The following TBC1D13 variants were observed in gnomAD, a reference collection of about 807,000 sequenced individuals.
The protein encoded by TBC1D13 is TBC1 domain family member 13.
A neutral mutation model predicts 53.6 loss-of-function variants in TBC1D13; 40 were observed. The ratio of observed to expected loss-of-function variants is 0.75; its 90% CI spans 0.58 to 0.97. The LOEUF (loss-of-function observed/expected upper bound fraction) is 0.97, where lower values mean the gene tolerates loss of function less well. Ranked by LOEUF, TBC1D13 falls within the 50% of genes least tolerant of loss-of-function variation. TBC1D13 has a pLI of 0.00. For missense variants in TBC1D13, 377 were observed against 499.4 expected (o/e 0.75, Z 2.34); for synonymous variants, 182 against 197.7 (o/e 0.92, Z 0.67).
At chr9:128,804,210 T>C in intron 9 of TBC1D13, 91 bp downstream of exon 9, 1 of 1,470,986 alleles carries the variant, frequency 6.8e-7, no homozygotes, top group East Asian at 2.3e-5. Flanking sequence ...CGCTTGAGTC[T>C]GGGGGTCAGA....
intron 7 of TBC1D13, among the ~76,000 whole-genome samples, chr9:128,802,652 A>G (rs929922220): frequency 9.9e-5 from 15 of 151,630 alleles, no homozygotes; most frequent in Middle Eastern, 3.4e-3. Flanking sequence ...GTGCCAGTGT[A>G]TGTCCCATAT....
At position 128,791,709 on chromosome 9, in the gene TBC1D13, C is replaced by T. The variant is rs1829536616; in HGVS notation, c.300+16C>T. ...TGAGGACCATGTGAGTAGAGGTTGACAGCGGAGACCCAGGATACAGAATGT... is the reference window on the plus strand; with the variant it reads ...TGAGGACCATGTGAGTAGAGGTTGATAGCGGAGACCCAGGATACAGAATGT... On this transcript the variant is annotated intron_variant, in intron 5 of 11. Transcript: ENST00000372648. 6.2e-7 allele frequency: 1 copy of T among 1,609,726 alleles called. No homozygotes were observed.
chr9:128,793,612 T>C (rs1231516016), intron 6 of TBC1D13, among the ~76,000 whole-genome samples: 3 of 152,156 alleles, frequency 2.0e-5, no homozygotes, highest in Non-Finnish European at 4.4e-5. Flanking sequence ...ACGGGCTGGG[T>C]CTCCACAGAT....
At chr9:128,788,452 T>C in intron 2 of TBC1D13, 45 bp downstream of exon 2, 1 of 1,578,418 alleles carries the variant, frequency 6.3e-7, no homozygotes, top group South Asian at 1.1e-5. Context: ...ACAGCAGCCC[T>C]GTGGCTAGAA....
At chr9:128,788,130 G>C (rs1475558099) in intron 1 of TBC1D13, among the ~76,000 whole-genome samples, 2 of 152,202 alleles carry the variant, frequency 1.3e-5, no homozygotes, top group Non-Finnish European at 2.9e-5. Context: ...CTGTGTTTCT[G>C]GTTGTAGAGG....
intron 11 of TBC1D13, among the ~76,000 whole-genome samples, chr9:128,807,380 C>A (rs979616861): frequency 6.6e-6 from 1 of 152,286 alleles, no homozygotes; most frequent in Middle Eastern, 3.4e-3. Flanking sequence ...AGCCACCAAG[C>A]CCAGCCTAGA....
rs759388208 is a variant in TBC1D13, at chr9:128,807,809, C to T, written c.1138-5C>T. The T allele has an allele frequency of 4.3e-6, 7 of 1,613,936 alleles. No individual in the cohort carries two copies. In the East Asian group the frequency reaches 1.3e-4, roughly 31 times the overall value. ...AGGCAACTGTTGGCCTTTTCCTGTGCCCAGGACTACCCCATCACAGATGTC... is the reference window on the plus strand; with the variant it reads ...AGGCAACTGTTGGCCTTTTCCTGTGTCCAGGACTACCCCATCACAGATGTC... On this transcript the variant is annotated splice_polypyrimidine_tract_variant and splice_region_variant and intron_variant, in intron 11 of 11. Coordinates refer to ENST00000372648, the MANE Select transcript of TBC1D13 (RefSeq NM_018201.5).
At chr9:128,792,611 G>T (rs1452165152) in intron 6 of TBC1D13, 37 bp downstream of exon 6, 1 of 1,575,478 alleles carries the variant, frequency 6.3e-7, no homozygotes, top group African/African-American at 1.4e-5. Flanking sequence ...CTGGCCCATG[G>T]GACTTCTGGG....
rs375009339 is a variant in TBC1D13, at chr9:128,800,801, T to C, written c.544-2449T>C. The stretch of plus-strand genomic sequence containing the variant: ...GCTTTATTTGTGTGTGTATTATATA[T>C]AGAGAGAGTAAGTTGCAGGTGTCTG... On this transcript the variant is annotated intron_variant, in intron 7 of 11. Transcript: ENST00000372648. Among the ~76,000 whole-genome samples, 5 of 152,296 alleles carry C rather than the reference T, an allele frequency of 3.3e-5. No individual in the cohort carries two copies. The South Asian group carries it at 1.0e-3, about 32-fold the overall frequency.
At chr9:128,803,547 C>T (rs944376928) in intron 8 of TBC1D13, 87 bp downstream of exon 8, 5 of 1,286,740 alleles carry the variant, frequency 3.9e-6, no homozygotes, top group Non-Finnish European at 5.5e-6. Context: ...CTCTGTTCTC[C>T]CTCTGCCAGA....
intron 1 of TBC1D13, 142 bp downstream of exon 1, chr9:128,787,518 T>A: frequency 1.2e-6 from 1 of 866,672 alleles, no homozygotes; most frequent in Non-Finnish European, 1.6e-6. Context: ...CCTTCTAACC[T>A]CATTGCCTGT....
chr9:128,800,402 G>A (rs927876053), intron 7 of TBC1D13, among the ~76,000 whole-genome samples: 5 of 121,656 alleles, frequency 4.1e-5, no homozygotes, highest in Non-Finnish European at 6.3e-5. Flanking sequence ...AGACAGTCTC[G>A]CTGTTTCTTC....
chr9:128,788,819 C>G (rs1829477353), intron 2 of TBC1D13, among the ~76,000 whole-genome samples: 1 of 152,166 alleles, frequency 6.6e-6, no homozygotes, highest in Non-Finnish European at 1.5e-5. Flanking sequence ...CTTGTTCTCT[C>G]CCTGGCTTGG....
At chr9:128,794,795 A>G (rs1011831475) in intron 6 of TBC1D13, among the ~76,000 whole-genome samples, 1 of 151,594 alleles carries the variant, frequency 6.6e-6, no homozygotes, top group African/African-American at 2.4e-5. Context: ...TTACATGGGT[A>G]GTGATCCTTT....
chr9:128,806,319 G>C lies in TBC1D13; in HGVS notation c.1137+8G>C, dbSNP rs750332792. On this transcript the variant is annotated splice_region_variant and intron_variant, in intron 11 of 11. Coordinates refer to ENST00000372648, the MANE Select transcript of TBC1D13 (RefSeq NM_018201.5). ...AATATGCGGCTGCTGCAGGTAATGG[G>C]AGTTGGGGGCAGGCTCAGCCACTGC... 7 of 1,614,050 alleles carry C rather than the reference G, an allele frequency of 4.3e-6. No homozygotes were observed. The East Asian group carries it at 8.9e-5, about 21-fold the overall frequency.
Position 128,790,138 on chromosome 9 carries a change from T to C in TBC1D13, c.98-597T>C, listed in dbSNP as rs577389598. On this transcript the variant is annotated intron_variant, in intron 2 of 11. Transcript: ENST00000372648. Reference sequence around the variant, plus strand: ...CAGGAGTGGTGGCACACATCTGTAATCCCAGCTACTTGCAAGGCTGAGGCA... The same window carrying C: ...CAGGAGTGGTGGCACACATCTGTAACCCCAGCTACTTGCAAGGCTGAGGCA... Among the ~76,000 whole-genome samples the C allele has an allele frequency of 3.4e-4, 51 of 150,138 alleles. 1 individual carries two copies. Among genetic ancestry groups the C allele is most frequent in the African/African-American group, 1.2e-3 (48 of 40,704 alleles).
intron 11 of TBC1D13, among the ~76,000 whole-genome samples, chr9:128,806,692 C>T (rs1189726212): frequency 1.3e-5 from 2 of 152,020 alleles, no homozygotes; most frequent in East Asian, 1.9e-4. Flanking sequence ...CCTATAATCC[C>T]AGCACTTTGG....
At chr9:128,803,866 CG>C in intron 8 of TBC1D13, 89 bp from the exon 9 acceptor site, 1 of 1,532,148 alleles carries the variant, frequency 6.5e-7, no homozygotes, top group Non-Finnish European at 8.8e-7. Context: ...GGCAACTCGG[CG>C]GGGCTCAGAG....
intron 9 of TBC1D13, 109 bp from the exon 10 acceptor site, chr9:128,805,750 G>T: frequency 7.9e-7 from 1 of 1,265,108 alleles, no homozygotes; most frequent in Non-Finnish European, 1.1e-6. Flanking sequence ...CTCACACCTG[G>T]CATGCTGGGC....
Sources: gnomAD v4.1 joint callset for allele counts (sites outside exome capture counted in the v4.1 genomes callset) on GRCh38, gnomAD v4.1.1 for gene constraint, MANE v1.5 for transcripts, NCBI Gene and HGNC (gene_info 2026-07-23, HGNC 2026-07-21) for gene names.